The following DCUN1D3 variants were observed in gnomAD, a reference collection of about 807,000 sequenced individuals.
The protein encoded by DCUN1D3 is DCN1-like protein 3.
A neutral mutation model predicts 24.8 loss-of-function variants in DCUN1D3; 6 were observed. The ratio of observed to expected loss-of-function variants is 0.24; its 90% CI spans 0.13 to 0.48. DCUN1D3 has a LOEUF of 0.48. Ranked by LOEUF, DCUN1D3 falls within the 20% of genes least tolerant of loss-of-function variation. The probability of loss-of-function intolerance (pLI) is 0.99; values close to 1 mark genes in which losing one functional copy is unlikely to be tolerated. For synonymous variants in DCUN1D3, 120 were observed against 144.9 expected, an observed-to-expected ratio of 0.83 and a Z score of 1.24; for missense variants, 258 against 379.4, an observed-to-expected ratio of 0.68 and a Z score of 2.66.
rs528962123 is a variant in DCUN1D3, at chr16:20,859,455, A to T, written c.*431T>A. The T allele has an allele frequency of 1.2e-5, 2 of 163,186 alleles. No individual in the cohort carries two copies. The highest frequency in any genetic ancestry group is 1.8e-4 in the East Asian group (1 of 5,438). 10.1% of individuals were successfully genotyped at this position (163,186 alleles called of 1,614,324 possible). A position where few individuals can be genotyped will look rare whatever the true frequency, so the allele number is the denominator to read the frequency against. ...CCTGCCCTGAAAAACAATATGCGAA[A>T]CTGAGATCTGGCACTGTATCATTTT... On this transcript the variant is annotated 3_prime_UTR_variant, in exon 3 of 3. Coordinates refer to ENST00000324344, the MANE Select transcript of DCUN1D3 (RefSeq NM_173475.4).
chr16:20,893,430 C>T (rs2081901223), intron 1 of DCUN1D3, among the ~76,000 whole-genome samples: 1 of 152,198 alleles, frequency 6.6e-6, no homozygotes, highest in South Asian at 2.1e-4. Flanking sequence ...GTCTAAGCCT[C>T]CCAAAGTACT....
At chr16:20,885,221 C>T (rs911872792) in intron 1 of DCUN1D3, among the ~76,000 whole-genome samples, 5 of 152,020 alleles carry the variant, frequency 3.3e-5, no homozygotes, top group Admixed American at 2.0e-4. Flanking sequence ...TGATTCCGCC[C>T]GCCTCAGTCT....
intron 1 of DCUN1D3, among the ~76,000 whole-genome samples, chr16:20,872,473 T>TA (rs539641152): frequency 2.6e-3 from 366 of 138,368 alleles, no homozygotes; most frequent in Admixed American, 5.0e-3. Context: ...TGCTAATTCT[T>TA]AAAAAAAAAA....
intron 1 of DCUN1D3, among the ~76,000 whole-genome samples, chr16:20,879,992 C>G (rs1478380775): frequency 6.6e-6 from 1 of 152,204 alleles, no homozygotes; most frequent in Non-Finnish European, 1.5e-5. Context: ...CTTGTTTCTT[C>G]CAGGCCAAAA....
At chr16:20,887,166 G>T (rs560424600) in intron 1 of DCUN1D3, among the ~76,000 whole-genome samples, 2 of 152,274 alleles carry the variant, frequency 1.3e-5, no homozygotes, top group African/African-American at 4.8e-5. Context: ...GCAGGGCGTG[G>T]TGGCGGGTGC....
chr16:20,877,398 T>G (rs768115384), intron 1 of DCUN1D3, among the ~76,000 whole-genome samples: 1 of 152,206 alleles, frequency 6.6e-6, no homozygotes, highest in African/African-American at 2.4e-5. Flanking sequence ...TTTTACTTCT[T>G]CACGGCACTT....
At chr16:20,897,885 A>T (rs1366859091) in intron 1 of DCUN1D3, among the ~76,000 whole-genome samples, 1 of 152,200 alleles carries the variant, frequency 6.6e-6, no homozygotes, top group African/African-American at 2.4e-5. Context: ...CTGCAAAAAC[A>T]GTAAGTGATA....
Position 20,859,808 on chromosome 16 carries a change from A to G in DCUN1D3, c.*78T>C. ...GTAGAAAATATCCGGATCTTCAGTA[A>G]TTTCCAAAATGGTCCAATTCCTCAG... On this transcript the variant is annotated 3_prime_UTR_variant, in exon 3 of 3. Coordinates refer to ENST00000324344, the MANE Select transcript of DCUN1D3 (RefSeq NM_173475.4). 6.6e-7 allele frequency: 1 copy of G among 1,504,852 alleles called. No individual in the cohort carries two copies. The highest frequency in any genetic ancestry group is 8.9e-7 in the Non-Finnish European group (1 of 1,126,484). The allele number at this position is 1,504,852 out of a possible 1,614,324, so 93.2% of individuals were successfully genotyped here. A position where few individuals can be genotyped will look rare whatever the true frequency, so the allele number is the denominator to read the frequency against.
intron 1 of DCUN1D3, among the ~76,000 whole-genome samples, chr16:20,877,322 G>A (rs1221934131): frequency 1.3e-5 from 2 of 151,764 alleles, no homozygotes; most frequent in East Asian, 1.9e-4. Flanking sequence ...CTCAGTTCAC[G>A]TGCTGACATG....
At chr16:20,861,394 C>T (rs1401587463) in intron 2 of DCUN1D3, among the ~76,000 whole-genome samples, 2 of 146,090 alleles carry the variant, frequency 1.4e-5, no homozygotes, top group African/African-American at 5.1e-5. Context: ...GGGAGAGAGG[C>T]GTATCCCCTC....
At chr16:20,879,608 T>G (rs1221533234) in intron 1 of DCUN1D3, among the ~76,000 whole-genome samples, 3 of 152,194 alleles carry the variant, frequency 2.0e-5, no homozygotes, top group Non-Finnish European at 2.9e-5. Context: ...AAAAGCCAAA[T>G]GCAGGCATTT....
chr16:20,861,260 C>T (rs1226576770), intron 2 of DCUN1D3, among the ~76,000 whole-genome samples: 2 of 152,140 alleles, frequency 1.3e-5, no homozygotes, highest in Non-Finnish European at 2.9e-5. Context: ...GGCGTATCCC[C>T]TCCCCAGAGG....
intron 1 of DCUN1D3, among the ~76,000 whole-genome samples, chr16:20,876,160 T>C (rs371581321): frequency 6.6e-6 from 1 of 152,064 alleles, no homozygotes; most frequent in African/African-American, 2.4e-5. Context: ...AGAGACAGTG[T>C]TTCACCATGT....
intron 1 of DCUN1D3, among the ~76,000 whole-genome samples, chr16:20,892,050 A>T (rs570719274): frequency 6.6e-6 from 1 of 152,286 alleles, no homozygotes; most frequent in Admixed American, 6.5e-5. Context: ...ACACAAGCTC[A>T]TCTCCGACAA....
chr16:20,895,851 A>G (rs985109438), intron 1 of DCUN1D3, among the ~76,000 whole-genome samples: 3 of 152,220 alleles, frequency 2.0e-5, no homozygotes, highest in African/African-American at 7.2e-5. Context: ...CCGGGAAAAC[A>G]GGAGTTACCA....
intron 1 of DCUN1D3, among the ~76,000 whole-genome samples, chr16:20,873,120 C>CA (rs557201637): frequency 0.032 from 2,011 of 63,202 alleles, 41 homozygotes; most frequent in Admixed American, 0.11. Flanking sequence ...GACTCTGTCT[C>CA]AAAAAAAAAA....
intron 1 of DCUN1D3, among the ~76,000 whole-genome samples, chr16:20,876,265 C>T (rs1252971245): frequency 6.6e-6 from 1 of 152,098 alleles, no homozygotes; most frequent in Non-Finnish European, 1.5e-5. Context: ...CTGTGCCCGA[C>T]TCTAATCTGA....
rs185938522 is a variant in DCUN1D3, at chr16:20,878,782, C to T, written c.-105-16139G>A. Among the ~76,000 whole-genome samples, 697 of 152,302 alleles carry T rather than the reference C, an allele frequency of 4.6e-3. 7 individuals carry two copies. The highest frequency in any genetic ancestry group is 0.016 in the African/African-American group (669 of 41,564). Reference sequence around the variant, plus strand: ...TTAACTTGGAGGGCTGAAGCACATACCTTATCAAAGAGGGTAAGTGATACA... The same window carrying T: ...TTAACTTGGAGGGCTGAAGCACATATCTTATCAAAGAGGGTAAGTGATACA... On this transcript the variant is annotated intron_variant, in intron 1 of 2. Transcript: ENST00000324344.
chr16:20,885,806 T>C (rs1044321043), intron 1 of DCUN1D3, among the ~76,000 whole-genome samples: 21 of 152,176 alleles, frequency 1.4e-4, no homozygotes, highest in Non-Finnish European at 2.9e-4. Flanking sequence ...TATCCCACTG[T>C]CCCTTTAAAG....
Sources: allele counts gnomAD v4.1 joint callset (sites outside exome capture counted in the v4.1 genomes callset), GRCh38; gene constraint gnomAD v4.1.1; transcripts MANE v1.5; gene names NCBI Gene and HGNC (gene_info 2026-07-23, HGNC 2026-07-21).